Variants in HACE1 observed in about 807,000 individuals in gnomAD.
The protein encoded by HACE1 is HECT domain and ankyrin repeat containing E3 ubiquitin protein ligase 1.
In HACE1, 73 loss-of-function variants were observed where a neutral mutation model predicts 118.4. The observed-to-expected ratio is 0.62, with a 90% CI of 0.51 to 0.75. The LOEUF is 0.75. HACE1 is among the 30% of genes least tolerant of loss of function. The pLI is 0.00. For synonymous variants in HACE1, 368 were observed against 374.8 expected (o/e 0.98, Z 0.21); for missense variants, 749 against 1,102.2 (o/e 0.68, Z 4.54).
intron 1 of HACE1, among the ~76,000 whole-genome samples, chr6:104,852,878 T>C (rs978617821): frequency 6.6e-6 from 1 of 152,216 alleles, no homozygotes; most frequent in African/African-American, 2.4e-5. Flanking sequence ...TACACAATAC[T>C]GGCTTCTTGT....
intron 19 of HACE1, among the ~76,000 whole-genome samples, chr6:104,756,345 G>A (rs1778641270): frequency 6.7e-6 from 1 of 149,442 alleles, no homozygotes; most frequent in Admixed American, 6.7e-5. Context: ...CCAGTAGGCA[G>A]AGGTTGCAGT....
At chr6:104,737,832 C>G (rs1322865651) in intron 22 of HACE1, among the ~76,000 whole-genome samples, 1 of 152,200 alleles carries the variant, frequency 6.6e-6, no homozygotes, top group Non-Finnish European at 1.5e-5. Flanking sequence ...CACCACAGCT[C>G]AAGGAGGCCT....
intron 19 of HACE1, among the ~76,000 whole-genome samples, chr6:104,756,002 T>C (rs1484009845): frequency 2.6e-5 from 4 of 152,124 alleles, no homozygotes; most frequent in Non-Finnish European, 5.9e-5. Flanking sequence ...GAGCTGATTT[T>C]TTGAAAATAT....
intron 20 of HACE1, among the ~76,000 whole-genome samples, chr6:104,746,534 T>C (rs1474767990): frequency 6.6e-6 from 1 of 152,212 alleles, no homozygotes; most frequent in Admixed American, 6.5e-5. Context: ...GCAGTAGCTA[T>C]GGCTCCTCAA....
intron 5 of HACE1, among the ~76,000 whole-genome samples, chr6:104,837,986 T>C (rs1387789632): frequency 6.6e-6 from 1 of 152,008 alleles, no homozygotes; most frequent in Non-Finnish European, 1.5e-5. Flanking sequence ...ATAAAATACC[T>C]AGGAATCAAC....
At chr6:104,744,061 G>C (rs767979450) in intron 22 of HACE1, 99 bp downstream of exon 22, 2 of 782,810 alleles carry the variant, frequency 2.6e-6, no homozygotes, top group South Asian at 1.4e-5. Context: ...GTAAGTTACT[G>C]ACAATTCAGA....
chr6:104,852,195 C>CTCTG (rs1554264808), intron 2 of HACE1, 122 bp downstream of exon 2: 143 of 553,922 alleles, frequency 2.6e-4, no homozygotes, highest in Non-Finnish European at 4.3e-4. Flanking sequence ...TATGTCCAAA[C>CTCTG]TGTCTGTGTG....
chr6:104,856,705 G>T (rs915299452), intron 1 of HACE1, among the ~76,000 whole-genome samples: 19 of 152,266 alleles, frequency 1.2e-4, no homozygotes, highest in African/African-American at 4.1e-4. Flanking sequence ...AAAGTGCTGG[G>T]ATTACAGGTG....
chr6:104,795,614 A>G lies in HACE1; in HGVS notation c.888T>C (p.Ala296=), dbSNP rs1326010294. The G allele has an allele frequency of 1.2e-6, 2 of 1,612,260 alleles. No individual in the cohort carries two copies. The highest frequency in any genetic ancestry group is 8.5e-7 in the Non-Finnish European group (1 of 1,178,452). ...SQYLKILTSL[A]EVATTNGHKL... ...TATGACCATTTGTTGTAGCAACTTC[A>G]GCAAGGCTTGTTAGAATCTTTAGGT... Residue 296 remains alanine (A), a synonymous_variant, in exon 10 of 24, where the codon GCT becomes GCC. Coordinates refer to ENST00000262903, the MANE Select transcript of HACE1 (RefSeq NM_020771.4).
intron 19 of HACE1, among the ~76,000 whole-genome samples, chr6:104,755,793 A>C (rs1423240264): frequency 6.6e-6 from 1 of 152,220 alleles, no homozygotes; most frequent in Non-Finnish European, 1.5e-5. Context: ...GTTAAGAGGG[A>C]AATTTATAGC....
chr6:104,802,048 A>C (rs1770424881), intron 7 of HACE1, among the ~76,000 whole-genome samples: 1 of 152,012 alleles, frequency 6.6e-6, no homozygotes, highest in Non-Finnish European at 1.5e-5. Flanking sequence ...AAAAAAAAAA[A>C]AAAGCAGGGG....
At chr6:104,832,387 G>T (rs113292040) in intron 6 of HACE1, among the ~76,000 whole-genome samples, 6,717 of 150,888 alleles carry the variant, frequency 0.045, 187 homozygotes, top group Middle Eastern at 0.076. Context: ...GTTTTTTGTT[G>T]TTGTTGTTGT....
At position 104,827,582 on chromosome 6, in the gene HACE1, G is replaced by T. The variant is rs1582669909; in HGVS notation, c.534+5460C>A. Among the ~76,000 whole-genome samples the T allele has an allele frequency of 4.6e-5, 7 of 152,226 alleles. No homozygotes were observed. The South Asian group carries it at 1.5e-3, about 32-fold the overall frequency. On this transcript the variant is annotated intron_variant, in intron 6 of 23. Transcript: ENST00000262903. The stretch of plus-strand genomic sequence containing the variant: ...TTCAACTTCTTAGAAATGATTAAAG[G>T]AGAATTCTAGCATTAGAATAAATAC...
intron 22 of HACE1, among the ~76,000 whole-genome samples, chr6:104,735,117 G>A (rs1023711409): frequency 1.3e-5 from 2 of 151,798 alleles, no homozygotes; most frequent in Non-Finnish European, 1.5e-5. Flanking sequence ...AATCAATTTG[G>A]CAATACCGTA....
chr6:104,741,711 T>A (rs979074312), intron 22 of HACE1, among the ~76,000 whole-genome samples: 4 of 149,262 alleles, frequency 2.7e-5, no homozygotes, highest in Non-Finnish European at 4.4e-5. Flanking sequence ...GGAAGAATCA[T>A]TATCGTGAAA....
At chr6:104,801,547 G>A (rs1030430072) in intron 7 of HACE1, among the ~76,000 whole-genome samples, 2 of 152,348 alleles carry the variant, frequency 1.3e-5, no homozygotes, top group African/African-American at 4.8e-5. Context: ...CCAGAAGAGA[G>A]TGGGGGCTAA....
chr6:104,781,919 C>T (rs1157589601), intron 14 of HACE1, among the ~76,000 whole-genome samples: 1 of 152,108 alleles, frequency 6.6e-6, no homozygotes, highest in Non-Finnish European at 1.5e-5. Context: ...AAAGTGGATA[C>T]CTAATACAGA....
At chr6:104,778,994 G>A (rs936058988) in intron 14 of HACE1, among the ~76,000 whole-genome samples, 4 of 152,124 alleles carry the variant, frequency 2.6e-5, no homozygotes, top group Admixed American at 2.0e-4. Flanking sequence ...TAGGGATTTA[G>A]GAGGAGATAC....
chr6:104,784,919 CA>C (rs1782173845), intron 12 of HACE1, 65 bp downstream of exon 12: 1 of 1,018,040 alleles, frequency 9.8e-7, no homozygotes, highest in South Asian at 1.4e-5. Flanking sequence ...TTTGAAATTA[CA>C]AAAGTATCAC....
Sources: allele counts gnomAD v4.1 joint callset (sites outside exome capture counted in the v4.1 genomes callset), GRCh38; gene constraint gnomAD v4.1.1; transcripts MANE v1.5; gene names NCBI Gene and HGNC (gene_info 2026-07-23, HGNC 2026-07-21).